The following UBQLN1 variants were observed in gnomAD, a reference collection of about 807,000 sequenced individuals.
UBQLN1 encodes ubiquilin 1, also known as ubiquilin-1.
In UBQLN1, 13 loss-of-function variants were observed where a neutral mutation model predicts 65.4. That is an observed-to-expected ratio of 0.20 (90% CI 0.13 to 0.32). UBQLN1 has a LOEUF of 0.32. UBQLN1 is among the 10% of genes least tolerant of loss of function. UBQLN1 has a pLI of 1.00. For synonymous variants in UBQLN1, 267 were observed against 247.8 expected (o/e 1.08, Z -0.73); for missense variants, 561 against 724.0 (o/e 0.77, Z 2.58).
At position 83,683,011 on chromosome 9, in the gene UBQLN1, A is replaced by T. The variant is rs752186853; in HGVS notation, c.388T>A (p.Ser130Thr). ...GTAGAGTTACTATTAGGAGTTGATG[A>T]TGTAGTAACATTGCTTCCAGCTGTA... ...TNTAGSNVTT[S>T]STPNSNSTSG... The change falls in exon 3 of 11, where the codon TCA becomes ACA. Residue 130 changes from serine to threonine, a missense_variant. This residue lies in a region of UBQLN1 where 87 missense variants were observed against 88.8 expected (regional missense o/e 0.98). Coordinates refer to ENST00000376395, the MANE Select transcript of UBQLN1 (RefSeq NM_013438.5). 3.1e-6 allele frequency: 5 copies of T among 1,612,544 alleles called. No homozygotes were observed. In the South Asian group the frequency reaches 5.5e-5, roughly 18 times the overall value.
chr9:83,699,325 T>C (rs533597185), intron 1 of UBQLN1, among the ~76,000 whole-genome samples: 82 of 152,292 alleles, frequency 5.4e-4, no homozygotes, highest in African/African-American at 1.9e-3. Context: ...AATAGGAAAA[T>C]TACATATGTG....
rs117559521 is a variant in UBQLN1, at chr9:83,703,776, C to A, written c.180+3724G>T. ...AAAAAAGCTTAAGCTTTATTAGTAA[C>A]CTTGAACAAGTAACATTATTAAATA... On this transcript the variant is annotated intron_variant, in intron 1 of 10. Coordinates refer to ENST00000376395, the MANE Select transcript of UBQLN1 (RefSeq NM_013438.5). Among the ~76,000 whole-genome samples, 1,267 of 152,210 alleles carry A rather than the reference C, an allele frequency of 8.3e-3. 36 individuals are homozygous for A. The highest frequency in any genetic ancestry group is 0.046 in the East Asian group (237 of 5,178).
intron 6 of UBQLN1, among the ~76,000 whole-genome samples, chr9:83,676,896 T>C (rs1274482128): frequency 1.3e-5 from 2 of 152,218 alleles, no homozygotes; most frequent in Non-Finnish European, 2.9e-5. Context: ...AACATCCGCA[T>C]GTAGTATCTG....
At chr9:83,688,839 C>A (rs1281096192) in intron 1 of UBQLN1, among the ~76,000 whole-genome samples, 1 of 148,488 alleles carries the variant, frequency 6.7e-6, no homozygotes, top group Admixed American at 6.9e-5. Flanking sequence ...CCAGCCTGGG[C>A]GATGAGAGCG....
chr9:83,668,108 TA>T (rs1831672400), intron 7 of UBQLN1: 2 of 985,320 alleles, frequency 2.0e-6, no homozygotes, highest in Non-Finnish European at 2.4e-6. Context: ...CTCAGTCTGA[TA>T]AGTTTCATAT....
chr9:83,690,050 T>C (rs10116424), intron 1 of UBQLN1, among the ~76,000 whole-genome samples: 29,859 of 152,156 alleles, frequency 0.2, 3,177 homozygotes, highest in African/African-American at 0.25. Context: ...ATCAGTACAT[T>C]TTGGAATAAC....
chr9:83,702,435 A>G (rs1832324661), intron 1 of UBQLN1, among the ~76,000 whole-genome samples: 1 of 152,168 alleles, frequency 6.6e-6, no homozygotes, highest in Non-Finnish European at 1.5e-5. Context: ...TTTTTTTCTC[A>G]GATATCTTGC....
intron 7 of UBQLN1, chr9:83,668,894 G>T: frequency 3.6e-6 from 1 of 279,238 alleles, no homozygotes; most frequent in East Asian, 8.7e-5. Context: ...TCAAAAGAGT[G>T]GGCATTCCAG....
At chr9:83,663,302 CT>C (rs1231926738) in intron 10 of UBQLN1, among the ~76,000 whole-genome samples, 1 of 152,128 alleles carries the variant, frequency 6.6e-6, no homozygotes, top group African/African-American at 2.4e-5. Context: ...TGGCGATCAT[CT>C]TTATATAATG....
intron 1 of UBQLN1, among the ~76,000 whole-genome samples, chr9:83,693,392 A>T (rs1832159247): frequency 6.6e-6 from 1 of 152,222 alleles, no homozygotes; most frequent in Admixed American, 6.5e-5. Flanking sequence ...TGTGAATATC[A>T]ACTGCTGTTC....
At chr9:83,672,019 A>G (rs1831741010) in intron 6 of UBQLN1, among the ~76,000 whole-genome samples, 1 of 152,224 alleles carries the variant, frequency 6.6e-6, no homozygotes, top group Non-Finnish European at 1.5e-5. Context: ...GTACCTTTAC[A>G]TTATGGAGTT....
intron 1 of UBQLN1, among the ~76,000 whole-genome samples, chr9:83,691,441 C>T (rs111597069): frequency 1.6e-4 from 24 of 152,240 alleles, no homozygotes; most frequent in African/African-American, 5.5e-4. Flanking sequence ...TCACTTGAAC[C>T]TCTGGTAACA....
Position 83,698,809 on chromosome 9 carries a change from G to A in UBQLN1, c.180+8691C>T, listed in dbSNP as rs569986838. 1.9e-4 allele frequency among the ~76,000 whole-genome samples: 29 copies of A among 152,052 alleles called. No homozygotes were observed. In the South Asian group the frequency reaches 4.6e-3, roughly 24 times the overall value. On this transcript the variant is annotated intron_variant, in intron 1 of 10. Transcript: ENST00000376395. ...GAGCTTGCAGTCCCAGCTACTTGGG[G>A]GGCTAAGGCAGGAGGATCACTTGAA...
At chr9:83,692,440 A>AGTTTCT (rs1832143900) in intron 1 of UBQLN1, among the ~76,000 whole-genome samples, 2 of 152,238 alleles carry the variant, frequency 1.3e-5, no homozygotes, top group Non-Finnish European at 2.9e-5. Context: ...ATCAGAAACT[A>AGTTTCT]AATAGTATTG....
At chr9:83,672,213 C>T (rs1831745489) in intron 6 of UBQLN1, among the ~76,000 whole-genome samples, 1 of 152,188 alleles carries the variant, frequency 6.6e-6, no homozygotes, top group African/African-American at 2.4e-5. Flanking sequence ...CAATTTTCTC[C>T]ACATCAGCAA....
chr9:83,666,269 G>T, intron 8 of UBQLN1, 81 bp downstream of exon 8: 1 of 1,367,898 alleles, frequency 7.3e-7, no homozygotes, highest in South Asian at 1.2e-5. Flanking sequence ...ATCAGCCAGA[G>T]AAGAGCAAGG....
At chr9:83,702,500 T>C (rs943781365) in intron 1 of UBQLN1, among the ~76,000 whole-genome samples, 1 of 152,086 alleles carries the variant, frequency 6.6e-6, no homozygotes, top group Admixed American at 6.5e-5. Flanking sequence ...GAAATATATA[T>C]AAGCCACAAG....
At chr9:83,682,817 A>G in intron 3 of UBQLN1, 134 bp downstream of exon 3, 1 of 489,038 alleles carries the variant, frequency 2.0e-6, no homozygotes, top group South Asian at 3.0e-5. Flanking sequence ...CAATTATAGG[A>G]ATGTATGTTT....
chr9:83,684,305 C>T (rs1028247417), intron 2 of UBQLN1, among the ~76,000 whole-genome samples: 2 of 151,816 alleles, frequency 1.3e-5, no homozygotes, highest in South Asian at 4.2e-4. Context: ...AGCGATTCTC[C>T]TGCCTCAGCC....
Sources: allele counts gnomAD v4.1 joint callset (sites outside exome capture counted in the v4.1 genomes callset), GRCh38; gene constraint gnomAD v4.1.1; regional missense constraint gnomAD v4.1.1; transcripts MANE v1.5; gene names NCBI Gene and HGNC (gene_info 2026-07-23, HGNC 2026-07-21).